FAM220A: variants seen among roughly 807,000 people sequenced by gnomAD.
FAM220A encodes the protein family with sequence similarity 220 member A.
For missense variants in FAM220A, 392 were observed against 321.6 expected, an observed-to-expected ratio of 1.22 and a Z score of -1.68; for synonymous variants, 141 against 130.7, an observed-to-expected ratio of 1.08 and a Z score of -0.54.
chr7:6,333,910 C>A (rs6972410), intron 1 of FAM220A, among the ~76,000 whole-genome samples: 4 of 144,512 alleles, frequency 2.8e-5, no homozygotes, highest in Non-Finnish European at 6.0e-5. Flanking sequence ...GCAGTGGCGC[C>A]ATCTCAGCTC....
rs1583234524 is a variant in FAM220A, at chr7:6,329,873, G to A, written c.*502C>T. 5.9e-6 allele frequency: 1 copy of A among 169,780 alleles called. No individual in the cohort carries two copies. Among genetic ancestry groups the A allele is most frequent in the Admixed American group, 6.3e-5 (1 of 15,880 alleles). The allele number at this position is 169,780 out of a possible 1,614,324, so 10.5% of individuals were successfully genotyped here. The stretch of plus-strand genomic sequence containing the variant: ...ATTTCAAGTGGAAGGAAAGGGGTAT[G>A]AGAAGTGAAATCGAATTTTGCTGCA... On this transcript the variant is annotated 3_prime_UTR_variant, in exon 2 of 2. Transcript: ENST00000313324.
At chr7:6,333,336 T>A (rs1781677150) in intron 1 of FAM220A, among the ~76,000 whole-genome samples, 1 of 151,850 alleles carries the variant, frequency 6.6e-6, no homozygotes, top group Admixed American at 6.6e-5. Context: ...AAGGACAGGA[T>A]GGCTGGATTT....
chr7:6,340,946 G>A (rs1374398321), intron 1 of FAM220A, among the ~76,000 whole-genome samples: 5 of 123,092 alleles, frequency 4.1e-5, no homozygotes, highest in African/African-American at 1.7e-4. Flanking sequence ...TGCCTAACAT[G>A]GTGAAACCCT....
intron 1 of FAM220A, among the ~76,000 whole-genome samples, chr7:6,339,851 G>A (rs192716402): frequency 2.3e-3 from 344 of 151,824 alleles, no homozygotes; most frequent in Non-Finnish European, 4.1e-3. Flanking sequence ...GGAGAGGAGA[G>A]TGTGCAGAGG....
In FAM220A at chr7:6,348,711, G is replaced by C. The variant is rs1222047032; in HGVS notation, c.-220C>G. ...AGAAGACCCCATAGGAGCGGGCGGC[G>C]GCCGAGCGCGAGAGCCGGACAGCCA... On this transcript the variant is annotated 5_prime_UTR_variant, in exon 1 of 2. Transcript: ENST00000313324. The C allele has an allele frequency of 2.4e-6, 1 of 422,872 alleles. No individual in the cohort carries two copies. The highest frequency in any genetic ancestry group is 2.0e-5 in the African/African-American group (1 of 48,870). 26.2% of individuals were successfully genotyped at this position (422,872 alleles called of 1,614,324 possible).
At chr7:6,345,767 GTTA>G (rs1019407157) in intron 1 of FAM220A, among the ~76,000 whole-genome samples, 3 of 151,784 alleles carry the variant, frequency 2.0e-5, no homozygotes, top group South Asian at 2.1e-4. Flanking sequence ...TTTGGTGGTG[GTTA>G]TTATTATTAT....
Position 6,339,849 on chromosome 7 carries a change from G to C in FAM220A, c.-81-8614C>G, listed in dbSNP as rs975633297. Among the ~76,000 whole-genome samples the C allele has an allele frequency of 6.6e-5, 10 of 151,938 alleles. No homozygotes were observed. The South Asian group carries it at 1.0e-3, about 16-fold the overall frequency. On this transcript the variant is annotated intron_variant, in intron 1 of 1. Coordinates refer to ENST00000313324, the MANE Select transcript of FAM220A (RefSeq NM_001037163.2). ...CACAGGTGCGATCACAAGGAGAGGA[G>C]AGTGTGCAGAGGCCGGGTGCCAGCT...
At chr7:6,338,550 C>G (rs1477346442) in intron 1 of FAM220A, 1 of 152,254 alleles carries the variant, frequency 6.6e-6, no homozygotes, top group Non-Finnish European at 1.5e-5. Context: ...CCAAAGATGA[C>G]AAAAGCTGAA....
chr7:6,331,232 G>C lies in FAM220A; in HGVS notation c.-78C>G. On this transcript the variant is annotated 5_prime_UTR_variant, in exon 2 of 2. Coordinates refer to ENST00000313324, the MANE Select transcript of FAM220A (RefSeq NM_001037163.2). ...GAGGGCCTTCAATGGATCTCAATAT[G>C]AACCTAGGAAAGGGAATCAAATTAA... 1 of 1,400,144 alleles carries C rather than the reference G, an allele frequency of 7.1e-7. No homozygotes were observed. Among genetic ancestry groups the C allele is most frequent in the Non-Finnish European group, 9.7e-7 (1 of 1,031,902 alleles). The allele number at this position is 1,400,144 out of a possible 1,614,324, so 86.7% of individuals were successfully genotyped here.
intron 1 of FAM220A, among the ~76,000 whole-genome samples, chr7:6,336,672 A>C (rs576269371): frequency 1.4e-3 from 202 of 146,722 alleles, no homozygotes; most frequent in Non-Finnish European, 2.2e-3. Context: ...AGAGCGAGCA[A>C]GACTTTGTCC....
intron 1 of FAM220A, among the ~76,000 whole-genome samples, chr7:6,337,124 T>C (rs1229111737): frequency 1.3e-5 from 2 of 151,204 alleles, no homozygotes; most frequent in Admixed American, 1.3e-4. Flanking sequence ...CAGGCTGGAG[T>C]GCAGTGGCGC....
chr7:6,339,839 A>C (rs1350444573), intron 1 of FAM220A, among the ~76,000 whole-genome samples: 2 of 151,658 alleles, frequency 1.3e-5, no homozygotes, highest in South Asian at 2.1e-4. Flanking sequence ...GTGCGATCAC[A>C]AGGAGAGGAG....
intron 1 of FAM220A, among the ~76,000 whole-genome samples, chr7:6,336,409 G>A (rs938739310): frequency 1.3e-5 from 2 of 151,004 alleles, no homozygotes; most frequent in Non-Finnish European, 3.0e-5. Flanking sequence ...GGCCAGGCAC[G>A]GTGGCTCATG....
At chr7:6,347,413 G>A (rs934967806) in intron 1 of FAM220A, among the ~76,000 whole-genome samples, 1 of 152,084 alleles carries the variant, frequency 6.6e-6, no homozygotes, top group Admixed American at 6.6e-5. Flanking sequence ...CTACTCAGGA[G>A]GCTGAGTCAG....
chr7:6,346,799 G>T (rs1055962738), intron 1 of FAM220A, among the ~76,000 whole-genome samples: 3 of 152,202 alleles, frequency 2.0e-5, no homozygotes, highest in African/African-American at 7.2e-5. Flanking sequence ...ACTTTGATAT[G>T]GCCAAACCGA....
At chr7:6,337,842 C>T (rs1781775715) in intron 1 of FAM220A, among the ~76,000 whole-genome samples, 1 of 151,212 alleles carries the variant, frequency 6.6e-6, no homozygotes, top group Non-Finnish European at 1.5e-5. Context: ...CTTGCTCTGT[C>T]ACCCAGGCTG....
chr7:6,343,036 C>CA (rs397933729), intron 1 of FAM220A, among the ~76,000 whole-genome samples: 12,530 of 98,882 alleles, frequency 0.13, 1,119 homozygotes, highest in East Asian at 0.59. Flanking sequence ...GACGCTTTCT[C>CA]AAAAAAAAAA....
At chr7:6,333,324 G>C (rs1211022911) in intron 1 of FAM220A, among the ~76,000 whole-genome samples, 1 of 152,134 alleles carries the variant, frequency 6.6e-6, no homozygotes, top group Non-Finnish European at 1.5e-5. Context: ...AGAAGCTTCA[G>C]CAAGGACAGG....
intron 1 of FAM220A, among the ~76,000 whole-genome samples, chr7:6,335,648 C>G (rs778878139): frequency 1.3e-5 from 2 of 152,128 alleles, no homozygotes; most frequent in Admixed American, 6.6e-5. Context: ...GCAAAATATA[C>G]ACTTTATGAA....
Sources: allele counts gnomAD v4.1 joint callset (sites outside exome capture counted in the v4.1 genomes callset), GRCh38; gene constraint gnomAD v4.1.1; transcripts MANE v1.5; gene names NCBI Gene and HGNC (gene_info 2026-07-23, HGNC 2026-07-21).